IFT74: variants seen among roughly 807,000 people sequenced by gnomAD.
IFT74 encodes intraflagellar transport protein 74 homolog.
In IFT74, 92 loss-of-function variants were observed where a neutral mutation model predicts 96.7. The ratio of observed to expected loss-of-function variants is 0.95; its 90% confidence interval spans 0.80 to 1.13. The LOEUF is 1.13. Ranked by LOEUF, IFT74 falls within the 50% of genes most tolerant of loss-of-function variation. The pLI is 0.00. For missense variants in IFT74, 811 were observed against 698.2 expected (o/e 1.16, Z -1.82); for synonymous variants, 223 against 213.2 (o/e 1.05, Z -0.40).
chr9:26,978,751 T>C (rs1248713317), intron 3 of IFT74, among the ~76,000 whole-genome samples: 2 of 152,142 alleles, frequency 1.3e-5, no homozygotes, highest in African/African-American at 4.8e-5. Flanking sequence ...AGTCAAGAAA[T>C]GTTACTTTTT....
At chr9:27,011,046 A>C (rs1489286119) in intron 9 of IFT74, among the ~76,000 whole-genome samples, 1 of 152,178 alleles carries the variant, frequency 6.6e-6, no homozygotes, top group Non-Finnish European at 1.5e-5. Context: ...GAAGCGTTGA[A>C]GAAAAAGTAT....
chr9:26,998,318 C>G, intron 8 of IFT74: 2 of 894,196 alleles, frequency 2.2e-6, no homozygotes, highest in Non-Finnish European at 3.2e-6. Flanking sequence ...TATTTAAGCA[C>G]TTAGACATTA....
intron 16 of IFT74, among the ~76,000 whole-genome samples, chr9:27,055,349 A>C (rs1240923837): frequency 1.3e-5 from 2 of 152,134 alleles, no homozygotes; most frequent in Non-Finnish European, 2.9e-5. Context: ...AAAAACTTAA[A>C]TGTTTGTTAG....
chr9:26,973,081 G>T (rs1354857685), intron 2 of IFT74, among the ~76,000 whole-genome samples: 1 of 152,140 alleles, frequency 6.6e-6, no homozygotes, highest in Non-Finnish European at 1.5e-5. Flanking sequence ...CCCAGAATGG[G>T]GATCTTCTCA....
rs1456367927 is a variant in IFT74 at position 26,962,102 on chromosome 9, A to T, written c.120+15A>T. 22 of 1,613,658 alleles carry T rather than the reference A, an allele frequency of 1.4e-5. No homozygotes were observed. Among genetic ancestry groups the T allele is most frequent in the Non-Finnish European group, 1.7e-5 (20 of 1,179,824 alleles). ...TGGCAACTGCAGTAAGTTTGAAACA[A>T]ATCTATTTACTTTGGGAGGCCAAGG... On this transcript the variant is annotated intron_variant, in intron 2 of 19. Coordinates refer to ENST00000380062, the MANE Select transcript of IFT74 (RefSeq NM_025103.4).
At chr9:27,035,452 C>T (rs1819127128) in intron 13 of IFT74, among the ~76,000 whole-genome samples, 1 of 151,868 alleles carries the variant, frequency 6.6e-6, no homozygotes, top group Admixed American at 6.6e-5. Flanking sequence ...GGTGGTATTA[C>T]ATCTACACCA....
intron 16 of IFT74, among the ~76,000 whole-genome samples, chr9:27,049,945 G>A (rs932286042): frequency 4.6e-5 from 7 of 152,126 alleles, no homozygotes; most frequent in Admixed American, 1.3e-4. Flanking sequence ...ATAATATATT[G>A]TATTTAAACT....
In IFT74 at chr9:27,047,664, A is replaced by G. The variant is rs1186592801; in HGVS notation, c.1206+293A>G. ...TATGATCTTCTTCCATTGTTAATCT[A>G]TCTGAACTTTTGAAAGTAACATTTG... On this transcript the variant is annotated intron_variant, in intron 15 of 19. Coordinates refer to ENST00000380062, the MANE Select transcript of IFT74 (RefSeq NM_025103.4). 3.3e-5 allele frequency among the ~76,000 whole-genome samples: 5 copies of G among 152,230 alleles called. No individual in the cohort carries two copies. The East Asian group carries it at 9.6e-4, about 29-fold the overall frequency.
chr9:26,995,680 A>G (rs770737819), intron 8 of IFT74: 10 of 1,613,906 alleles, frequency 6.2e-6, no homozygotes, highest in Non-Finnish European at 8.5e-6. Context: ...CAGTAAAACC[A>G]TCTTCATAGG....
At chr9:26,972,186 A>T (rs1826909702) in intron 2 of IFT74, among the ~76,000 whole-genome samples, 1 of 152,182 alleles carries the variant, frequency 6.6e-6, no homozygotes, top group African/African-American at 2.4e-5. Context: ...ATCAGTAGTT[A>T]ATGTTAAATC....
At chr9:27,056,192 AT>A (rs1820149362) in intron 17 of IFT74, 141 bp from the exon 18 acceptor site, 1 of 621,854 alleles carries the variant, frequency 1.6e-6, no homozygotes, top group African/African-American at 1.9e-5. Context: ...TTCAAAGGAT[AT>A]TTTTACAAAC....
chr9:27,056,551 A>G lies in IFT74; in HGVS notation c.1623+92A>G. ...TTTTATTTTAAAATTTGCTTTATATACCTTCTAGATTTTCTGACTTTTAAG... is the reference window on the plus strand; with the variant it reads ...TTTTATTTTAAAATTTGCTTTATATGCCTTCTAGATTTTCTGACTTTTAAG... On this transcript the variant is annotated intron_variant, in intron 18 of 19. Transcript: ENST00000380062. 7 of 1,116,180 alleles carry G rather than the reference A, an allele frequency of 6.3e-6. No homozygotes were observed. In the South Asian group the frequency reaches 6.4e-5, roughly 10 times the overall value. The allele number at this position is 1,116,180 out of a possible 1,614,324, so 69.1% of individuals were successfully genotyped here.
intron 18 of IFT74, among the ~76,000 whole-genome samples, chr9:27,059,964 A>G (rs1177382616): frequency 6.6e-6 from 1 of 152,248 alleles, no homozygotes; most frequent in African/African-American, 2.4e-5. Flanking sequence ...TACAAGGTTA[A>G]TTAAATCAGA....
intron 3 of IFT74, among the ~76,000 whole-genome samples, chr9:26,979,873 C>T (rs932087394): frequency 3.3e-5 from 5 of 151,790 alleles, no homozygotes; most frequent in African/African-American, 1.2e-4. Flanking sequence ...CCACAATGCC[C>T]AGCTAATTTT....
intron 2 of IFT74, among the ~76,000 whole-genome samples, chr9:26,970,689 C>T (rs1291210642): frequency 6.6e-6 from 1 of 152,170 alleles, no homozygotes; most frequent in Admixed American, 6.5e-5. Flanking sequence ...TCGGGTTAAC[C>T]CTTAACTCAT....
intron 10 of IFT74, among the ~76,000 whole-genome samples, chr9:27,015,623 C>A (rs1012426485): frequency 6.6e-6 from 1 of 151,844 alleles, no homozygotes; most frequent in African/African-American, 2.4e-5. Flanking sequence ...GGTGAAAGAG[C>A]GAAATTCCAT....
intron 13 of IFT74, among the ~76,000 whole-genome samples, chr9:27,033,379 GA>G (rs1458283841): frequency 6.6e-6 from 1 of 151,846 alleles, no homozygotes; most frequent in Non-Finnish European, 1.5e-5. Flanking sequence ...GCAACAGGGC[GA>G]AAACCTGTCT....
At chr9:27,034,626 T>C (rs1259365294) in intron 13 of IFT74, among the ~76,000 whole-genome samples, 1 of 152,224 alleles carries the variant, frequency 6.6e-6, no homozygotes, top group South Asian at 2.1e-4. Context: ...CCTCTCAGGT[T>C]CAAACAATTC....
intron 18 of IFT74, among the ~76,000 whole-genome samples, chr9:27,059,096 G>A (rs538605061): frequency 3.0e-4 from 46 of 152,326 alleles, no homozygotes; most frequent in African/African-American, 7.5e-4. Flanking sequence ...GAGCCAGTGA[G>A]TGGTTAACTT....
Sources: allele counts gnomAD v4.1 joint callset (sites outside exome capture counted in the v4.1 genomes callset), GRCh38; gene constraint gnomAD v4.1.1; transcripts MANE v1.5; gene names NCBI Gene and HGNC (gene_info 2026-07-23, HGNC 2026-07-21).